Variants in ROBO2 observed in about 807,000 individuals in gnomAD.
ROBO2 encodes the protein roundabout guidance receptor 2.
In ROBO2, 53 loss-of-function variants were observed where a neutral mutation model predicts 160.8. The observed-to-expected ratio is 0.33, with a 90% CI of 0.26 to 0.41. ROBO2 has a LOEUF of 0.41. Among genes scored for constraint, ROBO2 ranks in the 10% least tolerant of loss-of-function variants. ROBO2 has a pLI of 1.00. For missense variants in ROBO2, 1,577 were observed against 1,722.4 expected (o/e 0.92, Z 1.49); for synonymous variants, 664 against 611.7 (o/e 1.09, Z -1.26).
intron 2 of ROBO2, among the ~76,000 whole-genome samples, chr3:76,918,306 C>T (rs1210603943): frequency 3.9e-5 from 6 of 152,102 alleles, no homozygotes; most frequent in African/African-American, 1.4e-4. Flanking sequence ...CTGGCATTTC[C>T]CCTCTTTGCA....
At chr3:76,834,708 A>T (rs2067521636) in intron 2 of ROBO2, among the ~76,000 whole-genome samples, 1 of 152,094 alleles carries the variant, frequency 6.6e-6, no homozygotes. Flanking sequence ...TTGCTCGTTG[A>T]TCAGGCTGGT....
chr3:77,145,061 G>C (rs867778326), intron 2 of ROBO2, among the ~76,000 whole-genome samples: 1 of 152,016 alleles, frequency 6.6e-6, no homozygotes, highest in African/African-American at 2.4e-5. Context: ...TACAATGAAG[G>C]TACTTAGATT....
intron 6 of ROBO2, among the ~76,000 whole-genome samples, chr3:77,541,112 G>A (rs977151786): frequency 2.0e-5 from 3 of 152,100 alleles, no homozygotes; most frequent in Non-Finnish European, 4.4e-5. Context: ...ATTCATTCAG[G>A]CATAAAATTA....
At chr3:76,443,647 A>G (rs571785028) in intron 2 of ROBO2, among the ~76,000 whole-genome samples, 86 of 152,278 alleles carry the variant, frequency 5.6e-4, no homozygotes, top group African/African-American at 2.0e-3. Context: ...TTAAGGCACA[A>G]TTTAAGTGTC....
intron 2 of ROBO2, among the ~76,000 whole-genome samples, chr3:77,442,484 C>T (rs1260304760): frequency 6.6e-6 from 1 of 152,024 alleles, no homozygotes; most frequent in Non-Finnish European, 1.5e-5. Context: ...CATGGCAGAG[C>T]TGTATCATAT....
chr3:77,598,505 G>A lies in ROBO2; in HGVS notation c.2854+1755G>A, dbSNP rs577819929. ...ATAGTGTGTATATATATATATATAC[G>A]CACACACATATATATATATGTGTAT... On this transcript the variant is annotated intron_variant, in intron 19 of 25. Transcript: ENST00000461745. Among the ~76,000 whole-genome samples, 157 of 105,932 alleles carry A rather than the reference G, an allele frequency of 1.5e-3. 2 individuals are homozygous for A. The highest frequency in any genetic ancestry group is 5.6e-3 in the African/African-American group (143 of 25,726). 69.5% of individuals were successfully genotyped at this position (105,932 alleles called of 152,430 possible). A position where few individuals can be genotyped will look rare whatever the true frequency, so the allele number is the denominator to read the frequency against.
At chr3:77,598,485 G>GTATA in intron 19 of ROBO2, among the ~76,000 whole-genome samples, 4 of 131,794 alleles carry the variant, frequency 3.0e-5, no homozygotes, top group African/African-American at 1.3e-4. Context: ...TTTATATAGT[G>GTATA]TGTATATATA....
At chr3:77,284,357 A>G (rs890621904) in intron 2 of ROBO2, among the ~76,000 whole-genome samples, 1 of 152,196 alleles carries the variant, frequency 6.6e-6, no homozygotes, top group Non-Finnish European at 1.5e-5. Flanking sequence ...TGTAATATAA[A>G]GACACCGATG....
At chr3:76,245,279 T>C (rs2132291) in intron 2 of ROBO2, among the ~76,000 whole-genome samples, 18,946 of 152,204 alleles carry the variant, frequency 0.12, 1,854 homozygotes, top group East Asian at 0.42. Flanking sequence ...TGAACCCTTT[T>C]GGGGCAGCGC....
chr3:77,292,624 G>A (rs540860985), intron 2 of ROBO2, among the ~76,000 whole-genome samples: 7 of 148,222 alleles, frequency 4.7e-5, no homozygotes, highest in Non-Finnish European at 1.0e-4. Context: ...AAAATTGATG[G>A]TTAAACAGGA....
chr3:76,306,210 G>T (rs1462050329), intron 2 of ROBO2, among the ~76,000 whole-genome samples: 1 of 152,060 alleles, frequency 6.6e-6, no homozygotes, highest in Non-Finnish European at 1.5e-5. Flanking sequence ...AGTATAATCA[G>T]TGAGATTAAA....
intron 2 of ROBO2, among the ~76,000 whole-genome samples, chr3:76,099,120 A>C (rs1312756780): frequency 6.6e-6 from 1 of 152,180 alleles, no homozygotes; most frequent in Non-Finnish European, 1.5e-5. Context: ...AAGTGAAAAT[A>C]GCGTTCTTAG....
At chr3:77,480,549 T>C in intron 3 of ROBO2, among the ~76,000 whole-genome samples, 1 of 152,160 alleles carries the variant, frequency 6.6e-6, no homozygotes, top group East Asian at 1.9e-4. Flanking sequence ...CTCCAAGAAT[T>C]ATCTCTTAAA....
At chr3:77,482,381 G>A (rs1165108473) in intron 4 of ROBO2, among the ~76,000 whole-genome samples, 2 of 152,070 alleles carry the variant, frequency 1.3e-5, no homozygotes, top group African/African-American at 4.8e-5. Flanking sequence ...TGTAATGGGA[G>A]TGCCACTATA....
At chr3:76,641,063 A>G (rs9810373) in intron 2 of ROBO2, among the ~76,000 whole-genome samples, 4,455 of 152,312 alleles carry the variant, frequency 0.029, 210 homozygotes, top group African/African-American at 0.1. Flanking sequence ...AGAAGAACTG[A>G]CGAAAATTCA....
chr3:76,187,560 C>T (rs1049558438), intron 2 of ROBO2, among the ~76,000 whole-genome samples: 28 of 152,150 alleles, frequency 1.8e-4, no homozygotes, highest in African/African-American at 6.8e-4. Flanking sequence ...AGGCATGAGA[C>T]ACCATGCCTG....
chr3:76,346,154 T>C (rs1429879869), intron 2 of ROBO2, among the ~76,000 whole-genome samples: 1 of 152,140 alleles, frequency 6.6e-6, no homozygotes, highest in Non-Finnish European at 1.5e-5. Context: ...TCTTTGTTTC[T>C]TTATTTTTCT....
intron 2 of ROBO2, among the ~76,000 whole-genome samples, chr3:76,341,724 T>C (rs958954615): frequency 1.3e-5 from 2 of 152,100 alleles, no homozygotes; most frequent in African/African-American, 2.4e-5. Flanking sequence ...CTGGGAAACA[T>C]AGTTGTGTTG....
At chr3:77,292,526 G>C (rs1305328203) in intron 2 of ROBO2, among the ~76,000 whole-genome samples, 4 of 151,770 alleles carry the variant, frequency 2.6e-5, no homozygotes, top group African/African-American at 9.7e-5. Flanking sequence ...TGGTTAAATG[G>C]GTAAGCTGAG....
Sources: gnomAD v4.1 joint callset for allele counts (sites outside exome capture counted in the v4.1 genomes callset) on GRCh38, gnomAD v4.1.1 for gene constraint, MANE v1.5 for transcripts, NCBI Gene and HGNC (gene_info 2026-07-23, HGNC 2026-07-21) for gene names.